HHIPL1: variants seen among roughly 807,000 people sequenced by gnomAD.
The protein encoded by HHIPL1 is HHIP like 1.
In HHIPL1, 43 loss-of-function variants were observed where a neutral mutation model predicts 61.8. That is an observed-to-expected ratio of 0.70 (90% CI 0.55 to 0.90). HHIPL1 has a LOEUF of 0.90. HHIPL1 is among the 40% of genes least tolerant of loss of function. HHIPL1 has a pLI of 0.00. For synonymous variants in HHIPL1, 482 were observed against 515.8 expected, an observed-to-expected ratio of 0.93 and a Z score of 0.89; for missense variants, 1,056 against 1,157.7, an observed-to-expected ratio of 0.91 and a Z score of 1.28.
intron 3 of HHIPL1, among the ~76,000 whole-genome samples, chr14:99,657,534 A>G (rs1465770536): frequency 1.3e-5 from 2 of 152,202 alleles, no homozygotes; most frequent in African/African-American, 4.8e-5. Flanking sequence ...GGCCGAATGG[A>G]AAGTGTGAGC....
chr14:99,668,836 A>G lies in HHIPL1; in HGVS notation c.1730+533A>G, dbSNP rs1484082140. On this transcript the variant is annotated intron_variant, in intron 7 of 8. Transcript: ENST00000330710. This position sits in a 1 kb window ranked among gnomAD's most constrained non-coding sequence, Gnocchi z 4.7. ...TCTCCCCGGCTTCCCTTCTAGCTGT[A>G]AGGCCAGAAGCGCCATGCCCGGCTA... 1 of 1,613,626 alleles carries G rather than the reference A, an allele frequency of 6.2e-7. No homozygotes were observed. The highest frequency in any genetic ancestry group is 8.5e-7 in the Non-Finnish European group (1 of 1,179,992).
At chr14:99,669,406 A>C (rs940929721) in intron 7 of HHIPL1, 7 of 877,128 alleles carry the variant, frequency 8.0e-6, no homozygotes, top group African/African-American at 1.9e-5. Context: ...GCACTCCGAG[A>C]ATCCACACCT....
the HHIPL1 span, among the ~76,000 whole-genome samples, chr14:99,621,594 C>T: frequency 6.6e-6 from 1 of 152,134 alleles, no homozygotes; most frequent in Admixed American, 6.5e-5. Context: ...CAGGTCAGGA[C>T]ACCCATCCAG....
the HHIPL1 span, among the ~76,000 whole-genome samples, chr14:99,636,980 GGAAAGAAAGAA>G: frequency 4.7e-3 from 334 of 70,382 alleles, 3 homozygotes; most frequent in African/African-American, 0.017. Flanking sequence ...AAAAAAAAAA[GGAAAGAAAGAA>G]GAAAGAAAGA....
rs562201463 is a variant in HHIPL1, at chr14:99,668,734, C to T, written c.1730+431C>T. On this transcript the variant is annotated intron_variant, in intron 7 of 8. Transcript: ENST00000330710. The surrounding 1 kb of genome is among the most constrained non-coding windows in gnomAD (Gnocchi z 4.7). The stretch of plus-strand genomic sequence containing the variant: ...TGACACCCTGATCCCTGTGTGTCCC[C>T]GCCCCGTGCCTGCCCTTCCTCCTGT... The T allele has an allele frequency of 8.5e-6, 12 of 1,413,774 alleles. No homozygotes were observed. Among genetic ancestry groups the T allele is most frequent in the Admixed American group, 5.2e-5 (3 of 57,468 alleles). 87.6% of individuals were successfully genotyped at this position (1,413,774 alleles called of 1,614,324 possible).
chr14:99,638,083 A>G, the HHIPL1 span, among the ~76,000 whole-genome samples: 1 of 152,182 alleles, frequency 6.6e-6, no homozygotes, highest in Non-Finnish European at 1.5e-5. Context: ...TGTTCTTGGT[A>G]ATTTTTCCAT....
upstream of HHIPL1, chr14:99,645,115 A>C: frequency 8.9e-7 from 1 of 1,129,076 alleles, no homozygotes. Flanking sequence ...CGTGTAGGGA[A>C]GGGGAGCGCC....
At chr14:99,645,117 G>C (rs998407218), upstream of HHIPL1, 4 of 1,160,038 alleles carry the variant, frequency 3.4e-6, no homozygotes, top group African/African-American at 6.4e-5. Context: ...TGTAGGGAAG[G>C]GGAGCGCCCG....
At chr14:99,661,735 G>C (rs2140079393) in intron 5 of HHIPL1, among the ~76,000 whole-genome samples, 1 of 152,334 alleles carries the variant, frequency 6.6e-6, no homozygotes, top group South Asian at 2.1e-4. Context: ...AAAGTGCTGG[G>C]ATTACAGGCT....
At chr14:99,657,814 C>T (rs917634757) in intron 3 of HHIPL1, among the ~76,000 whole-genome samples, 6 of 151,938 alleles carry the variant, frequency 3.9e-5, no homozygotes, top group African/African-American at 1.5e-4. Flanking sequence ...CATACATATG[C>T]ATGCACACAC....
At chr14:99,623,849 G>A in the HHIPL1 span, among the ~76,000 whole-genome samples, 11 of 152,252 alleles carry the variant, frequency 7.2e-5, no homozygotes, top group East Asian at 9.6e-4. Flanking sequence ...CGCCAGTGCC[G>A]GCCCAACAAG....
chr14:99,637,267 A>AGAAAGAAG, the HHIPL1 span, among the ~76,000 whole-genome samples: 1 of 150,526 alleles, frequency 6.6e-6, no homozygotes, highest in African/African-American at 2.4e-5. Flanking sequence ...AAAGAAAGAA[A>AGAAAGAAG]AAGTGTGGCA....
the HHIPL1 span, among the ~76,000 whole-genome samples, chr14:99,637,212 GAAA>G: frequency 8.5e-4 from 90 of 105,870 alleles, no homozygotes; most frequent in African/African-American, 1.9e-3. Context: ...AAGAAAGAAA[GAAA>G]GAAAGAAAGA....
At chr14:99,652,027 T>A (rs769275844) in intron 1 of HHIPL1, among the ~76,000 whole-genome samples, 197 bp from the exon 2 acceptor site, 1 of 152,126 alleles carries the variant, frequency 6.6e-6, no homozygotes, top group Non-Finnish European at 1.5e-5. Context: ...AGTAATAGTG[T>A]TCTAACAACA....
At chr14:99,634,445 G>A in the HHIPL1 span, among the ~76,000 whole-genome samples, 1 of 152,332 alleles carries the variant, frequency 6.6e-6, no homozygotes. Flanking sequence ...CCGGGCTTTG[G>A]CTGCGGGACT....
the HHIPL1 span, among the ~76,000 whole-genome samples, chr14:99,634,626 G>T: frequency 5.3e-5 from 8 of 152,274 alleles, no homozygotes; most frequent in South Asian, 4.2e-4. Context: ...TTTGAAATCG[G>T]CATCTCCCAG....
At position 99,668,132 on chromosome 14, in the gene HHIPL1, C is replaced by T; in HGVS notation, c.1649-90C>T. On this transcript the variant is annotated intron_variant, in intron 6 of 8. Coordinates refer to ENST00000330710, the MANE Select transcript of HHIPL1 (RefSeq NM_001127258.3). This position sits in a 1 kb window ranked among gnomAD's most constrained non-coding sequence, Gnocchi z 4.7. ...GCTAGCTGGGGTTGGGGTCTATTTC[C>T]AAGCCTGCAGGGAGCCGGGTGGTGA... The T allele has an allele frequency of 4.9e-6, 4 of 812,812 alleles. No individual in the cohort carries two copies. The Admixed American group carries it at 6.8e-5, about 14-fold the overall frequency. The allele number at this position is 812,812 out of a possible 1,614,324, so 50.3% of individuals were successfully genotyped here.
chr14:99,635,046 T>C, the HHIPL1 span, among the ~76,000 whole-genome samples: 4 of 152,038 alleles, frequency 2.6e-5, no homozygotes, highest in African/African-American at 7.2e-5. Context: ...CAAATCCCCA[T>C]TGGCGGTCTT....
At chr14:99,629,203 C>T in the HHIPL1 span, among the ~76,000 whole-genome samples, 1 of 152,240 alleles carries the variant, frequency 6.6e-6, no homozygotes. Context: ...CCACCTTATA[C>T]CTGTGCACAC....
Sources: allele counts gnomAD v4.1 joint callset (sites outside exome capture counted in the v4.1 genomes callset), GRCh38; gene constraint gnomAD v4.1.1; non-coding constraint Gnocchi (gnomAD v3.1); transcripts MANE v1.5; gene names NCBI Gene and HGNC (gene_info 2026-07-23, HGNC 2026-07-21).